The following RASSF6 variants were observed in gnomAD, a reference collection of about 807,000 sequenced individuals.
The protein encoded by RASSF6 is ras association domain-containing protein 6.
A neutral mutation model predicts 44.0 loss-of-function variants in RASSF6; 52 were observed. That is an observed-to-expected ratio of 1.18 (90% CI 0.95 to 1.49). The LOEUF is 1.49. Ranked by LOEUF, RASSF6 falls within the 40% of genes most tolerant of loss-of-function variation. The pLI is 0.00. For synonymous variants in RASSF6, 162 were observed against 124.6 expected (o/e 1.30, Z -2.00); for missense variants, 464 against 393.3 (o/e 1.18, Z -1.52).
At chr4:73,598,426 AT>A (rs1230097604) in intron 3 of RASSF6, among the ~76,000 whole-genome samples, 1 of 152,228 alleles carries the variant, frequency 6.6e-6, no homozygotes, top group Admixed American at 6.5e-5. Flanking sequence ...TTCATATTCT[AT>A]TTTTAAAATA....
chr4:73,617,817 G>A (rs1726456287), intron 1 of RASSF6, among the ~76,000 whole-genome samples: 1 of 152,190 alleles, frequency 6.6e-6, no homozygotes, highest in Non-Finnish European at 1.5e-5. Flanking sequence ...ACTGTAATGT[G>A]AAAGGAAAAT....
chr4:73,618,921 A>G (rs1220480264), intron 1 of RASSF6, among the ~76,000 whole-genome samples: 1 of 152,222 alleles, frequency 6.6e-6, no homozygotes, highest in Admixed American at 6.5e-5. Flanking sequence ...AACATTGACA[A>G]AAGTGCCCTT....
In RASSF6 at chr4:73,574,025, G is replaced by C. The variant is rs1301084770; in HGVS notation, c.*2210C>G. 1 of 152,396 alleles carries C rather than the reference G, an allele frequency of 6.6e-6. No homozygotes were observed. The highest frequency in any genetic ancestry group is 1.5e-5 in the Non-Finnish European group (1 of 68,254). The allele number at this position is 152,396 out of a possible 1,614,324, so 9.4% of individuals were successfully genotyped here. A position where few individuals can be genotyped will look rare whatever the true frequency, so the allele number is the denominator to read the frequency against. On this transcript the variant is annotated 3_prime_UTR_variant, in exon 11 of 11. Coordinates refer to ENST00000307439, the MANE Select transcript of RASSF6 (RefSeq NM_177532.5). Reference sequence around the variant, plus strand: ...TTCTGCAGTGCTGGTTGCCTGTAGGGTGCAGCTTTCTCCAGCATTTCTCCA... The same window carrying C: ...TTCTGCAGTGCTGGTTGCCTGTAGGCTGCAGCTTTCTCCAGCATTTCTCCA...
At chr4:73,618,656 C>T (rs1013809638) in intron 1 of RASSF6, among the ~76,000 whole-genome samples, 1 of 152,030 alleles carries the variant, frequency 6.6e-6, no homozygotes, top group Non-Finnish European at 1.5e-5. Context: ...TAGTAAACTT[C>T]AGTTAGGTTG....
intron 4 of RASSF6, among the ~76,000 whole-genome samples, chr4:73,590,702 T>C (rs1724479214): frequency 6.6e-6 from 1 of 152,232 alleles, no homozygotes; most frequent in Non-Finnish European, 1.5e-5. Flanking sequence ...TCTTGGCTAA[T>C]TAATGACAAC....
At chr4:73,590,771 T>C (rs969519644) in intron 4 of RASSF6, among the ~76,000 whole-genome samples, 2 of 152,208 alleles carry the variant, frequency 1.3e-5, no homozygotes, top group Admixed American at 1.3e-4. Context: ...AGGAATGGGA[T>C]CTTTTTCTGC....
intron 2 of RASSF6, among the ~76,000 whole-genome samples, chr4:73,609,968 G>T (rs907653443): frequency 2.0e-5 from 3 of 152,050 alleles, no homozygotes; most frequent in Admixed American, 2.0e-4. Context: ...GAAGCCAAGG[G>T]TCTATACTGT....
At chr4:73,585,105 T>G in intron 6 of RASSF6, 75 bp downstream of exon 6, 1 of 1,009,996 alleles carries the variant, frequency 9.9e-7, no homozygotes, top group South Asian at 2.1e-5. Flanking sequence ...AAATTGTGAA[T>G]TGAATTGGGT....
At chr4:73,585,529 C>T (rs1724021213) in intron 5 of RASSF6, among the ~76,000 whole-genome samples, 165 bp from the exon 6 acceptor site, 2 of 152,016 alleles carry the variant, frequency 1.3e-5, no homozygotes, top group South Asian at 4.1e-4. Flanking sequence ...TTAAATGTTG[C>T]CTGAGACTGA....
intron 1 of RASSF6, 105 bp downstream of exon 1, chr4:73,620,183 C>T: frequency 1.6e-6 from 1 of 641,524 alleles, no homozygotes; most frequent in Middle Eastern, 4.3e-4. Context: ...ATGACACACA[C>T]ACACTTAACT....
At chr4:73,580,931 G>T (rs1436714240) in intron 8 of RASSF6, among the ~76,000 whole-genome samples, 1 of 147,320 alleles carries the variant, frequency 6.8e-6, no homozygotes, top group Non-Finnish European at 1.5e-5. Flanking sequence ...TGGTGTTTTA[G>T]ACATGAAGTC....
chr4:73,615,892 AG>A (rs1560464312), intron 1 of RASSF6: 1 of 1,550,364 alleles, frequency 6.5e-7, no homozygotes, highest in Admixed American at 2.0e-5. Context: ...TGGACTTACC[AG>A]TTGCCTTGTG....
At chr4:73,604,863 A>G (rs750641822) in intron 2 of RASSF6, among the ~76,000 whole-genome samples, 1 of 150,070 alleles carries the variant, frequency 6.7e-6, no homozygotes, top group African/African-American at 2.4e-5. Context: ...AATTCTATAT[A>G]CCTTATAAAT....
chr4:73,578,418 C>A (rs1384453535), intron 8 of RASSF6, among the ~76,000 whole-genome samples: 1 of 151,644 alleles, frequency 6.6e-6, no homozygotes, highest in Non-Finnish European at 1.5e-5. Context: ...TTTTTTTAAA[C>A]TTAAAAAAAA....
Position 73,587,840 on chromosome 4 carries a change from C to T in RASSF6, c.382G>A (p.Asp128Asn), listed in dbSNP as rs760187564. The change falls in exon 5 of 11, where the codon GAC (aspartate) becomes AAC (asparagine). Residue 128 changes from aspartate to asparagine, a missense_variant and splice_region_variant. Coordinates refer to ENST00000307439, the MANE Select transcript of RASSF6 (RefSeq NM_177532.5). Reference sequence around the variant, plus strand: ...CAATCAATAAGATTTTGATACTGACCTTCCTGGGAATTCCTTTTTTCAGAC... The same window carrying T: ...CAATCAATAAGATTTTGATACTGACTTTCCTGGGAATTCCTTTTTTCAGAC... Reference protein sequence around the residue: ...PMSEKRNSQEDYLSYHSNTLK... With the variant: ...PMSEKRNSQENYLSYHSNTLK... The T allele has an allele frequency of 6.9e-6, 11 of 1,596,126 alleles. No individual in the cohort carries two copies. The African/African-American group carries it at 1.3e-4, about 19-fold the overall frequency.
At chr4:73,598,527 G>T in intron 3 of RASSF6, 113 bp downstream of exon 3, 1 of 582,580 alleles carries the variant, frequency 1.7e-6, no homozygotes, top group Middle Eastern at 2.5e-4. Flanking sequence ...AAGTCTAAAA[G>T]AATCATAATC....
At chr4:73,604,853 A>C (rs1192752049) in intron 2 of RASSF6, among the ~76,000 whole-genome samples, 3 of 151,628 alleles carry the variant, frequency 2.0e-5, no homozygotes, top group Non-Finnish European at 4.4e-5. Context: ...CCTATGTTAT[A>C]ATTCTATATA....
At position 73,602,407 on chromosome 4, in the gene RASSF6, T is replaced by C. The variant is rs978361950; in HGVS notation, c.66-3689A>G. 3.9e-5 allele frequency among the ~76,000 whole-genome samples: 6 copies of C among 152,362 alleles called. No homozygotes were observed. In the East Asian group the frequency reaches 1.2e-3, roughly 29 times the overall value. On this transcript the variant is annotated intron_variant, in intron 2 of 10. Coordinates refer to ENST00000307439, the MANE Select transcript of RASSF6 (RefSeq NM_177532.5). Reference sequence around the variant, plus strand: ...CGGAAAGGTGAACAAATGTGCCATGTCTATAGAAGGTTCTAAAGTCCAGAA... The same window carrying C: ...CGGAAAGGTGAACAAATGTGCCATGCCTATAGAAGGTTCTAAAGTCCAGAA...
chr4:73,602,839 A>G (rs1307252292), intron 2 of RASSF6, among the ~76,000 whole-genome samples: 1 of 152,224 alleles, frequency 6.6e-6, no homozygotes, highest in Non-Finnish European at 1.5e-5. Context: ...CTGTAATCCC[A>G]GTACTTTGGG....
Sources: gnomAD v4.1 joint callset for allele counts (sites outside exome capture counted in the v4.1 genomes callset) on GRCh38, gnomAD v4.1.1 for gene constraint, MANE v1.5 for transcripts, NCBI Gene and HGNC (gene_info 2026-07-23, HGNC 2026-07-21) for gene names.